Variants in XKR9 observed in about 807,000 individuals in gnomAD.
XKR9 encodes XK-related protein 9.
XKR9 carries 32 observed loss-of-function variants against 32.0 expected under a neutral mutation model. That is an observed-to-expected ratio of 1.00 (90% CI 0.76 to 1.34). XKR9 has a LOEUF of 1.34. XKR9 is among the 40% of genes most tolerant of loss of function. The probability of loss-of-function intolerance (pLI) is 0.00; values close to 1 mark genes in which losing one functional copy is unlikely to be tolerated. For synonymous variants in XKR9, 168 were observed against 143.4 expected (o/e 1.17, Z -1.22); for missense variants, 546 against 429.7 (o/e 1.27, Z -2.39).
intron 3 of XKR9, among the ~76,000 whole-genome samples, chr8:70,688,429 T>A (rs1159914712): frequency 6.6e-6 from 1 of 152,148 alleles, no homozygotes; most frequent in Non-Finnish European, 1.5e-5. Flanking sequence ...ACATTTTTTT[T>A]TTTTTGGGAT....
At chr8:70,789,084 C>T (rs1401479642) in intron 2 of XKR9, among the ~76,000 whole-genome samples, 3 of 152,020 alleles carry the variant, frequency 2.0e-5, no homozygotes, top group Non-Finnish European at 4.4e-5. Context: ...CCAGTGATCT[C>T]ATGACTAACT....
the XKR9 span, among the ~76,000 whole-genome samples, chr8:71,044,447 G>C: frequency 6.6e-6 from 1 of 152,246 alleles, no homozygotes; most frequent in African/African-American, 2.4e-5. Context: ...GAATTCATTG[G>C]AGCAGCATGA....
At chr8:70,718,165 A>G (rs1396604520) in intron 4 of XKR9, among the ~76,000 whole-genome samples, 1 of 152,086 alleles carries the variant, frequency 6.6e-6, no homozygotes, top group Non-Finnish European at 1.5e-5. Context: ...GAAGTGTCAA[A>G]CTATCCCACA....
chr8:70,997,607 A>T, the XKR9 span, among the ~76,000 whole-genome samples: 1 of 151,370 alleles, frequency 6.6e-6, no homozygotes, highest in African/African-American at 2.4e-5. Flanking sequence ...CGTTGGGGAC[A>T]CGGGGGAAAG....
At chr8:70,903,554 G>A in the XKR9 span, among the ~76,000 whole-genome samples, 57 of 152,194 alleles carry the variant, frequency 3.7e-4, no homozygotes, top group African/African-American at 1.3e-3. Context: ...CTTGCTGGCA[G>A]TCTATCAATT....
At chr8:70,808,357 C>T in the XKR9 span, among the ~76,000 whole-genome samples, 13 of 152,172 alleles carry the variant, frequency 8.5e-5, no homozygotes, top group Non-Finnish European at 1.8e-4. Flanking sequence ...CAGTCTACAG[C>T]TCCCAGCATG....
chr8:70,955,220 A>G, the XKR9 span, among the ~76,000 whole-genome samples: 8 of 152,202 alleles, frequency 5.3e-5, no homozygotes, highest in African/African-American at 9.7e-5. Flanking sequence ...AAAGCTCAAT[A>G]AAGAGCTAAA....
At chr8:70,910,197 A>G in the XKR9 span, among the ~76,000 whole-genome samples, 2 of 151,908 alleles carry the variant, frequency 1.3e-5, no homozygotes, top group Non-Finnish European at 2.9e-5. Flanking sequence ...CTCTCCCAAC[A>G]ACTAAGTCAG....
At position 70,734,297 on chromosome 8, in the gene XKR9, G is replaced by T. The variant is rs1305691268; in HGVS notation, c.995G>T (p.Gly332Val). ...ACTATAGTTCTTACTCTTCTTCTTG[G>T]AATTCTTTTTCTTATTGTTTATTAT... ...SITIVLTLLL[G>V]ILFLIVYYGS... Residue 332 changes from glycine (G) to valine (V), a missense_variant, in exon 5 of 5, where the codon GGA becomes GTA. Gly to Val is a moderately radical substitution (Grantham distance 109). Transcript: ENST00000408926. 1.2e-6 allele frequency: 2 copies of T among 1,612,294 alleles called. No homozygotes were observed. The highest frequency in any genetic ancestry group is 2.2e-5 in the East Asian group (1 of 44,790).
chr8:70,988,293 A>G, the XKR9 span, among the ~76,000 whole-genome samples: 1 of 151,730 alleles, frequency 6.6e-6, no homozygotes, highest in South Asian at 2.1e-4. Context: ...ATCCCTATCT[A>G]GAATATCCAG....
At chr8:70,903,604 A>AT in the XKR9 span, among the ~76,000 whole-genome samples, 1 of 151,950 alleles carries the variant, frequency 6.6e-6, no homozygotes, top group African/African-American at 2.4e-5. Flanking sequence ...GGATTCATTG[A>AT]TTTTTTAAAG....
the XKR9 span, among the ~76,000 whole-genome samples, chr8:70,954,492 T>G: frequency 6.6e-6 from 1 of 152,234 alleles, no homozygotes; most frequent in African/African-American, 2.4e-5. Flanking sequence ...AATACAGTCT[T>G]TTCAAGGTGG....
the XKR9 span, among the ~76,000 whole-genome samples, chr8:70,887,288 G>C: frequency 1.3e-5 from 2 of 152,138 alleles, no homozygotes; most frequent in African/African-American, 4.8e-5. Context: ...CTATATATCT[G>C]TTTTGGTACC....
At chr8:70,709,096 A>G (rs1343297552) in intron 4 of XKR9, among the ~76,000 whole-genome samples, 1 of 152,198 alleles carries the variant, frequency 6.6e-6, no homozygotes, top group African/African-American at 2.4e-5. Flanking sequence ...AGGCTGATCT[A>G]ACATGATCAA....
chr8:70,697,454 GTC>G (rs1805324787), intron 3 of XKR9, among the ~76,000 whole-genome samples: 8 of 151,568 alleles, frequency 5.3e-5, no homozygotes, highest in Admixed American at 5.3e-4. Context: ...TGTGGTTTTT[GTC>G]TTTGGTTCTG....
chr8:70,682,899 ATCT>A (rs1401716350), intron 3 of XKR9, among the ~76,000 whole-genome samples: 1 of 152,214 alleles, frequency 6.6e-6, no homozygotes, highest in African/African-American at 2.4e-5. Context: ...CATCTTGAAG[ATCT>A]TCTGAAGTGA....
chr8:70,938,232 A>C, the XKR9 span, among the ~76,000 whole-genome samples: 46 of 152,038 alleles, frequency 3.0e-4, no homozygotes, highest in African/African-American at 1.1e-3. Flanking sequence ...TGGCATAAGC[A>C]AAAGAGTGAG....
At chr8:70,895,668 C>A in the XKR9 span, among the ~76,000 whole-genome samples, 1 of 151,818 alleles carries the variant, frequency 6.6e-6, no homozygotes, top group Non-Finnish European at 1.5e-5. Flanking sequence ...TTTGCAGATG[C>A]ACATTATCAG....
the XKR9 span, among the ~76,000 whole-genome samples, chr8:70,822,136 G>C: frequency 6.6e-6 from 1 of 152,108 alleles, no homozygotes; most frequent in Non-Finnish European, 1.5e-5. Context: ...TAAGTTAATA[G>C]AGCTAACCCA....
Sources: gnomAD v4.1 joint callset for allele counts (sites outside exome capture counted in the v4.1 genomes callset) on GRCh38, gnomAD v4.1.1 for gene constraint, MANE v1.5 for transcripts, NCBI Gene and HGNC (gene_info 2026-07-23, HGNC 2026-07-21) for gene names.